The following USP35 variants were observed in gnomAD, a reference collection of about 807,000 sequenced individuals.
USP35 encodes ubiquitin specific peptidase 35, also known as ubiquitin carboxyl-terminal hydrolase 35.
In USP35, 69 loss-of-function variants were observed where a neutral mutation model predicts 83.8. That is an observed-to-expected ratio of 0.82 (90% CI 0.68 to 1.01). The LOEUF is 1.01. Ranked by LOEUF, USP35 falls within the 50% of genes least tolerant of loss-of-function variation. The probability of loss-of-function intolerance (pLI) is 0.00; values close to 1 mark genes in which losing one functional copy is unlikely to be tolerated. For missense variants in USP35, 1,503 were observed against 1,362.5 expected, an observed-to-expected ratio of 1.10 and a Z score of -1.62; for synonymous variants, 714 against 589.5, an observed-to-expected ratio of 1.21 and a Z score of -3.06.
At chr11:78,215,578 A>G (rs762064024), downstream of USP35, 2 of 152,484 alleles carry the variant, frequency 1.3e-5, no homozygotes, top group Admixed American at 6.5e-5. Flanking sequence ...CCACTAGCCC[A>G]TTTTCTCTTC....
chr11:78,206,496 G>T (rs1863533849), intron 7 of USP35, among the ~76,000 whole-genome samples: 1 of 152,132 alleles, frequency 6.6e-6, no homozygotes, highest in Admixed American at 6.5e-5. Flanking sequence ...TTTGATTCTG[G>T]CTTATCGTAT....
chr11:78,209,737 C>T lies in USP35; in HGVS notation c.1882C>T (p.Pro628Ser), dbSNP rs1863668648. The stretch of plus-strand genomic sequence containing the variant: ...AGACATCACAGCCCGGGAGTTGCCC[C>T]CACCAACCAGTGCACAGGGGCCAGG... ...TEDITARELP[P>S]PTSAQGPGRV... Residue 628 changes from proline to serine, a missense_variant, in exon 10 of 11, where the codon CCA (proline) becomes TCA (serine). Pro to Ser is a moderately conservative substitution (Grantham distance 74). Transcript: ENST00000529308. 2 of 1,613,946 alleles carry T rather than the reference C, an allele frequency of 1.2e-6. No individual in the cohort carries two copies. Among genetic ancestry groups the T allele is most frequent in the Non-Finnish European group, 1.7e-6 (2 of 1,180,006 alleles).
chr11:78,202,383 T>C (rs1863383088), intron 6 of USP35, among the ~76,000 whole-genome samples: 1 of 152,222 alleles, frequency 6.6e-6, no homozygotes, highest in Non-Finnish European at 1.5e-5. Context: ...GAAAAAAATG[T>C]AATCAGTGGC....
intron 8 of USP35, 87 bp downstream of exon 8, chr11:78,207,710 C>G: frequency 7.6e-7 from 1 of 1,318,852 alleles, no homozygotes; most frequent in Non-Finnish European, 1.1e-6. Flanking sequence ...CAGGACCTGC[C>G]TGCATCTGGC....
chr11:78,190,768 TGA>T (rs1862979716), intron 1 of USP35, among the ~76,000 whole-genome samples: 1 of 151,666 alleles, frequency 6.6e-6, no homozygotes, highest in Non-Finnish European at 1.5e-5. Flanking sequence ...CATTGAAGGG[TGA>T]GTCAGAATTT....
At chr11:78,201,858 A>G (rs895374049) in intron 6 of USP35, among the ~76,000 whole-genome samples, 21 of 152,116 alleles carry the variant, frequency 1.4e-4, no homozygotes, top group African/African-American at 4.8e-4. Flanking sequence ...TGCCTGATAG[A>G]GAAGGCAGGT....
At chr11:78,228,211 A>G in the USP35 span, among the ~76,000 whole-genome samples, 1 of 152,184 alleles carries the variant, frequency 6.6e-6, no homozygotes, top group African/African-American at 2.4e-5. Flanking sequence ...GTGGTTTTCA[A>G]ACTAGATTCC....
chr11:78,224,457 C>T, the USP35 span, among the ~76,000 whole-genome samples: 2 of 152,126 alleles, frequency 1.3e-5, no homozygotes, highest in African/African-American at 4.8e-5. Flanking sequence ...GGGGCTCACT[C>T]CAGGCACCTA....
Position 78,214,652 on chromosome 11 carries a change from T to G in USP35, c.*839T>G, listed in dbSNP as rs968970818. 59 of 151,556 alleles carry G rather than the reference T, an allele frequency of 3.9e-4. 1 individual carries two copies. The highest frequency in any genetic ancestry group is 1.4e-3 in the African/African-American group (57 of 41,070). 9.4% of individuals were successfully genotyped at this position (151,556 alleles called of 1,614,324 possible). A position where few individuals can be genotyped will look rare whatever the true frequency, so the allele number is the denominator to read the frequency against. The stretch of plus-strand genomic sequence containing the variant: ...ACTGCTGTAGCCCCCTTCTAACTTC[T>G]AACCGAAGACAAGACAGACACCCAT... On this transcript the variant is annotated 3_prime_UTR_variant, in exon 11 of 11. Coordinates refer to ENST00000529308, the MANE Select transcript of USP35 (RefSeq NM_020798.4).
At chr11:78,189,251 G>A (rs1862927804) in intron 1 of USP35, 94 bp downstream of exon 1, 1 of 152,496 alleles carries the variant, frequency 6.6e-6, no homozygotes, top group African/African-American at 2.4e-5. Context: ...AGGGCTGGGA[G>A]TCGGGAGATC....
intron 1 of USP35, among the ~76,000 whole-genome samples, chr11:78,194,046 A>G (rs1011056448): frequency 6.6e-6 from 1 of 151,080 alleles, no homozygotes; most frequent in African/African-American, 2.4e-5. Context: ...CTGAGCTTGT[A>G]GCAGGTGCCC....
At chr11:78,215,672 TA>T (rs1864088003), downstream of USP35, 1 of 152,234 alleles carries the variant, frequency 6.6e-6, no homozygotes. Flanking sequence ...CATGCCACCA[TA>T]AATCACATGA....
Position 78,196,427 on chromosome 11 carries a change from G to A in USP35, c.182G>A (p.Gly61Asp). 1 of 1,285,520 alleles carries A rather than the reference G, an allele frequency of 7.8e-7. No individual in the cohort carries two copies. Among genetic ancestry groups the A allele is most frequent in the Non-Finnish European group, 9.8e-7 (1 of 1,018,378 alleles). 79.6% of individuals were successfully genotyped at this position (1,285,520 alleles called of 1,614,324 possible). ...GCGGAGGAGCTGCCGCGCCGCGTGG[G>A]CTGCCAGCTGCTGCACGTGGCCGGC... ...GGAEELPRRV[G>D]CQLLHVAGRH... The change falls in exon 2 of 11, where the codon GGC becomes GAC. Residue 61 changes from glycine (G) to aspartate (D), a missense_variant. Physicochemically the swap from Gly to Asp is moderately conservative, Grantham distance 94. Coordinates refer to ENST00000529308, the MANE Select transcript of USP35 (RefSeq NM_020798.4). The surrounding 1 kb of genome is among the most constrained non-coding windows in gnomAD (Gnocchi z 4.8).
the USP35 span, chr11:78,226,934 A>G: frequency 6.2e-7 from 1 of 1,613,842 alleles, no homozygotes; most frequent in Admixed American, 1.7e-5. Context: ...TATAGAAGCC[A>G]TGGACTTGAC....
At chr11:78,215,452 A>T (rs879851363), downstream of USP35, 3 of 152,230 alleles carry the variant, frequency 2.0e-5, no homozygotes, top group African/African-American at 4.8e-5. Context: ...GTTACAATTT[A>T]AAAAAAAGAA....
downstream of USP35, chr11:78,215,965 C>G (rs1864118758): frequency 6.5e-6 from 1 of 152,682 alleles, no homozygotes; most frequent in African/African-American, 2.4e-5. Context: ...GTGCTTTTGT[C>G]ACAGGAATGG....
chr11:78,213,859 A>AG lies in USP35; in HGVS notation c.*49dup. On this transcript the variant is annotated 3_prime_UTR_variant, in exon 11 of 11. Transcript: ENST00000529308. Reference sequence around the variant, plus strand: ...GACCCCTTCCCTCCAGGAGCCAGGTAGGGCCTGAGGGAAGCTGTGGAGGCA... The same window carrying AG: ...GACCCCTTCCCTCCAGGAGCCAGGTAGGGGCCTGAGGGAAGCTGTGGAGGCA... The AG allele has an allele frequency of 6.6e-7, 1 of 1,524,912 alleles. No homozygotes were observed. The highest frequency in any genetic ancestry group is 1.5e-5 in the African/African-American group (1 of 68,838). 94.5% of individuals were successfully genotyped at this position (1,524,912 alleles called of 1,614,324 possible).
chr11:78,215,309 T>C (rs1183155805), downstream of USP35: 1 of 152,628 alleles, frequency 6.6e-6, no homozygotes, highest in Non-Finnish European at 1.5e-5. Context: ...GGTGCATTTC[T>C]AGTGGACTTT....
chr11:78,226,820 G>A, the USP35 span: 3 of 1,614,078 alleles, frequency 1.9e-6, no homozygotes, highest in South Asian at 3.3e-5. Flanking sequence ...CTGTCTCGGA[G>A]CCTGTGAGGC....
Sources: allele counts gnomAD v4.1 joint callset (sites outside exome capture counted in the v4.1 genomes callset), GRCh38; gene constraint gnomAD v4.1.1; non-coding constraint Gnocchi (gnomAD v3.1); transcripts MANE v1.5; gene names NCBI Gene and HGNC (gene_info 2026-07-23, HGNC 2026-07-21).